Variants in ATF7IP2 observed in about 807,000 individuals in gnomAD.
The protein encoded by ATF7IP2 is activating transcription factor 7-interacting protein 2.
In ATF7IP2, 42 loss-of-function variants were observed where a neutral mutation model predicts 64.2. That is an observed-to-expected ratio of 0.65 (90% CI 0.51 to 0.85). The LOEUF is 0.85. Ranked by LOEUF, ATF7IP2 falls within the 40% of genes least tolerant of loss-of-function variation. ATF7IP2 has a pLI of 0.00. For synonymous variants in ATF7IP2, 308 were observed against 272.8 expected, an observed-to-expected ratio of 1.13 and a Z score of -1.27; for missense variants, 933 against 784.2, an observed-to-expected ratio of 1.19 and a Z score of -2.27.
chr16:10,403,430 G>C (rs1467911333), intron 1 of ATF7IP2, among the ~76,000 whole-genome samples: 1 of 152,068 alleles, frequency 6.6e-6, no homozygotes, highest in African/African-American at 2.4e-5. Context: ...AACTCATCCA[G>C]AAGCAAAGTC....
chr16:10,393,085 G>A (rs543471637), intron 1 of ATF7IP2, among the ~76,000 whole-genome samples: 2 of 152,110 alleles, frequency 1.3e-5, no homozygotes, highest in African/African-American at 4.8e-5. Flanking sequence ...TAAGGTGGAC[G>A]GATCACTTGA....
intron 9 of ATF7IP2, 99 bp downstream of exon 9, chr16:10,457,628 A>C (rs2049224545): frequency 1.1e-6 from 1 of 887,614 alleles, no homozygotes; most frequent in Admixed American, 3.0e-5. Context: ...GATTATTCTT[A>C]ACATTCACTC....
intron 9 of ATF7IP2, among the ~76,000 whole-genome samples, chr16:10,458,292 T>C (rs1422524074): frequency 1.3e-5 from 2 of 152,202 alleles, no homozygotes; most frequent in African/African-American, 4.8e-5. Flanking sequence ...ATTTAGTTGA[T>C]GAAGGCAAGA....
At chr16:10,411,379 G>GTTT in intron 1 of ATF7IP2, among the ~76,000 whole-genome samples, 1 of 144,918 alleles carries the variant, frequency 6.9e-6, no homozygotes. Flanking sequence ...TTTTGTTGTT[G>GTTT]TTGTTGTTGT....
chr16:10,438,121 G>A lies in ATF7IP2; in HGVS notation c.981G>A (p.Gln327=). ...FLEQVRHLIQ[Q]EIYSINYELF... ...TCTAGGTCAGACATTTGATTCAGCA[G>A]GAGATCTATAGCATAAATTATGAAC... The change falls in exon 7 of 14, where the codon CAG becomes CAA. Residue 327 remains glutamine (Q), a synonymous_variant. Transcript: ENST00000562102. 2 of 1,560,194 alleles carry A rather than the reference G, an allele frequency of 1.3e-6. No homozygotes were observed. The highest frequency in any genetic ancestry group is 1.7e-6 in the Non-Finnish European group (2 of 1,157,336).
In ATF7IP2 at chr16:10,483,140, T is replaced by A. The variant is rs772554117; in HGVS notation, c.*891T>A. The A allele has an allele frequency of 6.6e-6, 1 of 152,244 alleles. No individual in the cohort carries two copies. 9.4% of individuals were successfully genotyped at this position (152,244 alleles called of 1,614,324 possible). ...GCACTTTGTCAATCATTTGGGGAAATAGCCTGGAGGTCTTTCCTGAATCTG... is the reference window on the plus strand; with the variant it reads ...GCACTTTGTCAATCATTTGGGGAAAAAGCCTGGAGGTCTTTCCTGAATCTG... On this transcript the variant is annotated 3_prime_UTR_variant, in exon 14 of 14. Coordinates refer to ENST00000562102, the MANE Select transcript of ATF7IP2 (RefSeq NM_001393719.1).
At chr16:10,480,259 G>C (rs1444962094) in intron 12 of ATF7IP2, among the ~76,000 whole-genome samples, 3 of 152,054 alleles carry the variant, frequency 2.0e-5, no homozygotes, top group African/African-American at 7.2e-5. Context: ...TGACAGATGT[G>C]AGCCACTATG....
chr16:10,429,289 G>C (rs1415458332), intron 4 of ATF7IP2, among the ~76,000 whole-genome samples: 2 of 152,020 alleles, frequency 1.3e-5, no homozygotes, highest in Non-Finnish European at 2.9e-5. Flanking sequence ...GGCATATTAG[G>C]GTCTTAATTA....
rs1419017502 is a variant in ATF7IP2, at chr16:10,433,592, G to C, written c.903G>C (p.Glu301Asp). The C allele has an allele frequency of 6.2e-7, 1 of 1,613,418 alleles. No individual in the cohort carries two copies. Among genetic ancestry groups the C allele is most frequent in the Non-Finnish European group, 8.5e-7 (1 of 1,179,516 alleles). The change falls in exon 6 of 14, where the codon GAG (glutamate) becomes GAC (aspartate). Residue 301 changes from glutamate to aspartate, a missense_variant. Glu to Asp is a conservative substitution (Grantham distance 45). Transcript: ENST00000562102. ...ATGTTAAACGCATGAAAACTTCAGA[G>C]CAAATTAATGAAAATATTTGTGTAA... The part of the protein sequence containing the change: ...EENVKRMKTS[E>D]QINENICVSL...
At chr16:10,472,259 T>C (rs971657513) in intron 10 of ATF7IP2, 76 bp downstream of exon 10, 5 of 678,426 alleles carry the variant, frequency 7.4e-6, no homozygotes, top group African/African-American at 7.3e-5. Context: ...AAGTGAAAAA[T>C]TGAATAATAT....
At chr16:10,444,122 A>T (rs2048722469) in intron 8 of ATF7IP2, among the ~76,000 whole-genome samples, 1 of 152,236 alleles carries the variant, frequency 6.6e-6, no homozygotes, top group African/African-American at 2.4e-5. Context: ...CACAGGGCAT[A>T]ACAAGACAAG....
rs1399268518 is a variant in ATF7IP2, at chr16:10,431,277, A to C, written c.657A>C (p.Leu219Phe). ...ATAAAAGGCAAAGTGACAACATTTT[A>C]TGTTCAGAAGACTCAGGTTTTGTGC... ...SHDKRQSDNI[L>F]CSEDSGFVPV... Residue 219 changes from leucine to phenylalanine, a missense_variant, in exon 5 of 14, where the codon TTA becomes TTC. Coordinates refer to ENST00000562102, the MANE Select transcript of ATF7IP2 (RefSeq NM_001393719.1). 6.2e-7 allele frequency: 1 copy of C among 1,614,224 alleles called. No homozygotes were observed.
chr16:10,404,508 A>G (rs891973909), intron 1 of ATF7IP2, among the ~76,000 whole-genome samples: 1 of 152,094 alleles, frequency 6.6e-6, no homozygotes, highest in Non-Finnish European at 1.5e-5. Flanking sequence ...TGGCCTCCCA[A>G]AGTGCTGGGA....
chr16:10,392,229 G>C (rs1416219465), intron 1 of ATF7IP2, among the ~76,000 whole-genome samples: 1 of 151,782 alleles, frequency 6.6e-6, no homozygotes, highest in Non-Finnish European at 1.5e-5. Flanking sequence ...AGTAGAAATG[G>C]GGTTTCGCCA....
intron 1 of ATF7IP2, among the ~76,000 whole-genome samples, chr16:10,409,790 A>T (rs562648413): frequency 3.2e-4 from 48 of 152,266 alleles, no homozygotes; most frequent in Admixed American, 2.9e-3. Flanking sequence ...TCATTCTCCT[A>T]CATGTGGCTT....
chr16:10,465,931 C>T (rs918171884), intron 9 of ATF7IP2, among the ~76,000 whole-genome samples: 2 of 152,046 alleles, frequency 1.3e-5, no homozygotes, highest in Non-Finnish European at 2.9e-5. Context: ...CATGTAATAT[C>T]TACTAAAAGC....
intron 1 of ATF7IP2, among the ~76,000 whole-genome samples, chr16:10,398,651 C>A (rs1424585102): frequency 6.6e-6 from 1 of 152,040 alleles, no homozygotes; most frequent in African/African-American, 2.4e-5. Flanking sequence ...TAAACCTGAA[C>A]ATTGTGTTAA....
intron 10 of ATF7IP2, among the ~76,000 whole-genome samples, chr16:10,472,476 CT>C (rs1167514006): frequency 6.6e-6 from 1 of 151,926 alleles, no homozygotes; most frequent in African/African-American, 2.4e-5. Flanking sequence ...TTGCCCTGGC[CT>C]TTTTTTGATG....
At chr16:10,390,176 G>A (rs2047293414) in intron 1 of ATF7IP2, among the ~76,000 whole-genome samples, 1 of 152,008 alleles carries the variant, frequency 6.6e-6, no homozygotes, top group Non-Finnish European at 1.5e-5. Flanking sequence ...GAACATCACT[G>A]GAGAACAGAG....
Sources: allele counts gnomAD v4.1 joint callset (sites outside exome capture counted in the v4.1 genomes callset), GRCh38; gene constraint gnomAD v4.1.1; transcripts MANE v1.5; gene names NCBI Gene and HGNC (gene_info 2026-07-23, HGNC 2026-07-21).